RIIAD1: variants seen among roughly 807,000 people sequenced by gnomAD.
RIIAD1 encodes RIIa domain-containing protein 1.
A neutral mutation model predicts 13.3 loss-of-function variants in RIIAD1; 15 were observed. The observed-to-expected ratio is 1.13, with a 90% CI of 0.76 to 1.74. The LOEUF is 1.74. Among genes scored for constraint, RIIAD1 ranks in the 40% most tolerant of loss-of-function variants. The pLI is 0.00. For missense variants in RIIAD1, 121 were observed against 112.2 expected, an observed-to-expected ratio of 1.08 and a Z score of -0.35; for synonymous variants, 50 against 43.3, an observed-to-expected ratio of 1.16 and a Z score of -0.61.
intron 2 of RIIAD1, among the ~76,000 whole-genome samples, chr1:151,712,235 AAAG>A (rs1415382686): frequency 2.0e-5 from 3 of 152,298 alleles, no homozygotes; most frequent in African/African-American, 4.8e-5. Context: ...CGGGCCTCCC[AAAG>A]AAGGAGTGGC....
chr1:151,713,141 C>G (rs1331645667), intron 2 of RIIAD1, among the ~76,000 whole-genome samples: 1 of 152,182 alleles, frequency 6.6e-6, no homozygotes, highest in Non-Finnish European at 1.5e-5. Context: ...TGGATTCTGT[C>G]CCCTGGGACA....
chr1:151,718,975 C>G (rs1673688725), upstream of RIIAD1, among the ~76,000 whole-genome samples: 1 of 152,158 alleles, frequency 6.6e-6, no homozygotes, highest in Admixed American at 6.5e-5. Context: ...AGATCTGCCG[C>G]CCTGCTGCTC....
At chr1:151,712,290 G>C (rs905815472) in intron 2 of RIIAD1, among the ~76,000 whole-genome samples, 3 of 152,122 alleles carry the variant, frequency 2.0e-5, no homozygotes, top group African/African-American at 7.2e-5. Flanking sequence ...CCTCCACCAC[G>C]GTCACTTTTA....
intron 2 of RIIAD1, among the ~76,000 whole-genome samples, chr1:151,724,779 G>A (rs1673796982): frequency 1.3e-5 from 2 of 151,520 alleles, no homozygotes; most frequent in Admixed American, 1.3e-4. Flanking sequence ...ATGATAGATA[G>A]CCAGGTATGA....
In RIIAD1 at chr1:151,715,117, C is replaced by G. The variant is rs952904210; in HGVS notation, c.21+588C>G. 1.3e-5 allele frequency among the ~76,000 whole-genome samples: 2 copies of G among 151,900 alleles called. 1 individual carries two copies. Among genetic ancestry groups the G allele is most frequent in the Admixed American group, 1.3e-4 (2 of 15,250 alleles). On this transcript the variant is annotated intron_variant, in intron 4 of 8. Coordinates refer to the RIIAD1 transcript ENST00000326413. ...ACCTCCACCATAGGCAGGTGGAGGA[C>G]GGAGAGTGAAATAGAGAAGGGAAGG...
chr1:151,715,803 C>T (rs1673431017), intron 4 of RIIAD1: 3 of 1,595,086 alleles, frequency 1.9e-6, no homozygotes, highest in East Asian at 2.2e-5. Context: ...CCGCTCCACC[C>T]CTCCAGCCTG....
At chr1:151,721,761 C>T in intron 1 of RIIAD1, 141 bp downstream of exon 1, 1 of 519,820 alleles carries the variant, frequency 1.9e-6, no homozygotes, top group Non-Finnish European at 3.2e-6. Context: ...GCAGGGGAGA[C>T]CCCCGGCGGA....
intron 3 of RIIAD1, 61 bp from the exon 4 acceptor site, chr1:151,728,705 C>G: frequency 9.9e-7 from 1 of 1,011,594 alleles, no homozygotes; most frequent in Non-Finnish European, 1.5e-6. Flanking sequence ...CTGTCTCCTT[C>G]CATGGGTAAA....
At chr1:151,711,805 C>G (rs1673045508) in intron 1 of RIIAD1, 1 of 152,312 alleles carries the variant, frequency 6.6e-6, no homozygotes, top group African/African-American at 2.4e-5. Flanking sequence ...CGCTAGCCCC[C>G]TTCCCAGCAG....
chr1:151,720,351 G>GGAA (rs1673714506), upstream of RIIAD1, among the ~76,000 whole-genome samples: 1 of 149,610 alleles, frequency 6.7e-6, no homozygotes, highest in African/African-American at 2.4e-5. Context: ...CTCCTGCCGG[G>GGAA]AAAAAAAAAA....
intron 2 of RIIAD1, among the ~76,000 whole-genome samples, chr1:151,725,782 A>G (rs144725191): frequency 1.2e-4 from 18 of 152,310 alleles, no homozygotes; most frequent in African/African-American, 3.8e-4. Context: ...ATATTCCAGC[A>G]TGTGTTATGC....
intron 4 of RIIAD1, among the ~76,000 whole-genome samples, chr1:151,715,456 C>A (rs1673397383): frequency 6.6e-6 from 1 of 152,116 alleles, no homozygotes; most frequent in Non-Finnish European, 1.5e-5. Context: ...GAACACCTGA[C>A]CCTGTGTCCT....
chr1:151,722,025 T>C, intron 1 of RIIAD1, 61 bp from the exon 2 acceptor site: 1 of 1,244,180 alleles, frequency 8.0e-7, no homozygotes, highest in South Asian at 1.3e-5. Context: ...CCTTCACATC[T>C]CCAGGGCTGA....
Position 151,729,697 on chromosome 1 carries a change from T to A in RIIAD1, c.*267T>A, listed in dbSNP as rs1242359431. On this transcript the variant is annotated 3_prime_UTR_variant, in exon 5 of 5. Coordinates refer to ENST00000479191, the MANE Select transcript of RIIAD1 (RefSeq NM_001144956.3). ...TGACGTGTGAGGCAGCCGGCCTGTTTCTGCTTTCAGGGCGGCCAGGGGCCT... is the reference window on the plus strand; with the variant it reads ...TGACGTGTGAGGCAGCCGGCCTGTTACTGCTTTCAGGGCGGCCAGGGGCCT... 1.3e-5 allele frequency: 2 copies of A among 152,262 alleles called. No individual in the cohort carries two copies. The highest frequency in any genetic ancestry group is 2.9e-5 in the Non-Finnish European group (2 of 68,050). 9.4% of individuals were successfully genotyped at this position (152,262 alleles called of 1,614,324 possible).
upstream of RIIAD1, among the ~76,000 whole-genome samples, chr1:151,719,443 A>G (rs552627165): frequency 6.6e-6 from 1 of 152,288 alleles, no homozygotes; most frequent in East Asian, 1.9e-4. Flanking sequence ...TATTGAATTT[A>G]TAAAGGGAGA....
intron 2 of RIIAD1, among the ~76,000 whole-genome samples, chr1:151,724,026 A>C (rs1673785822): frequency 6.6e-6 from 1 of 152,230 alleles, no homozygotes; most frequent in Admixed American, 6.5e-5. Flanking sequence ...CTGAAACTAA[A>C]TCAACATTTG....
chr1:151,728,924 C>T, intron 4 of RIIAD1, 31 bp downstream of exon 4: 1 of 716,846 alleles, frequency 1.4e-6, no homozygotes, highest in South Asian at 1.6e-5. Flanking sequence ...CAGACAGAGG[C>T]TTCTTTACTC....
At chr1:151,718,492 C>T (rs1352866264), upstream of RIIAD1, among the ~76,000 whole-genome samples, 2 of 152,198 alleles carry the variant, frequency 1.3e-5, no homozygotes, top group East Asian at 3.8e-4. Context: ...CCTCTTCTGT[C>T]TCCATTTAAG....
chr1:151,726,094 C>A (rs1673824397), intron 2 of RIIAD1, among the ~76,000 whole-genome samples: 1 of 152,148 alleles, frequency 6.6e-6, no homozygotes, highest in Non-Finnish European at 1.5e-5. Context: ...CTTGCTGTTT[C>A]CCTGGATCTG....
Sources: allele counts gnomAD v4.1 joint callset (sites outside exome capture counted in the v4.1 genomes callset), GRCh38; gene constraint gnomAD v4.1.1; transcripts MANE v1.5; gene names NCBI Gene and HGNC (gene_info 2026-07-23, HGNC 2026-07-21).